ISL2: variants seen among roughly 807,000 people sequenced by gnomAD.
ISL2 encodes ISL LIM homeobox 2.
A neutral mutation model predicts 34.6 loss-of-function variants in ISL2; 17 were observed. That is an observed-to-expected ratio of 0.49 (90% CI 0.34 to 0.74). The LOEUF is 0.74. Ranked by LOEUF, ISL2 falls within the 30% of genes least tolerant of loss-of-function variation. ISL2 has a pLI of 0.01. For synonymous variants in ISL2, 232 were observed against 225.5 expected (o/e 1.03, Z -0.26); for missense variants, 469 against 515.2 (o/e 0.91, Z 0.87).
chr15:76,337,294 C>G, intron 1 of ISL2: 1 of 358,952 alleles, frequency 2.8e-6, no homozygotes, highest in Non-Finnish European at 4.9e-6. Context: ...AGCTTTCTTT[C>G]GCTTGCTCTG....
At chr15:76,339,555 G>A in intron 3 of ISL2, 1 of 985,686 alleles carries the variant, frequency 1.0e-6, no homozygotes, top group Non-Finnish European at 1.2e-6. Flanking sequence ...TGTTTCCCCG[G>A]GATGGAGAGA....
chr15:76,340,185 G>A (rs1009767155), intron 3 of ISL2, 91 bp from the exon 4 acceptor site: 2 of 1,444,426 alleles, frequency 1.4e-6, no homozygotes, highest in African/African-American at 2.9e-5. Context: ...AACGAAATCG[G>A]GCCCCGGGGG....
chr15:76,340,002 C>T (rs1470276853), intron 3 of ISL2: 1 of 1,288,962 alleles, frequency 7.8e-7, no homozygotes. Context: ...ACTCCCTCCC[C>T]GCAGCGGCCT....
At chr15:76,337,410 C>A in intron 1 of ISL2, 1 of 313,450 alleles carries the variant, frequency 3.2e-6, no homozygotes, top group Non-Finnish European at 5.8e-6. Flanking sequence ...AGTGTGTGAG[C>A]GGAAATGCCA....
intron 2 of ISL2, 38 bp from the exon 3 acceptor site, chr15:76,338,214 A>G: frequency 6.6e-7 from 1 of 1,518,434 alleles, no homozygotes; most frequent in South Asian, 1.2e-5. Flanking sequence ...GGGCGGCCGC[A>G]GGCCCAGCGC....
intron 3 of ISL2, chr15:76,339,437 A>T (rs1170858945): frequency 6.1e-6 from 6 of 985,426 alleles, no homozygotes; most frequent in Non-Finnish European, 7.2e-6. Flanking sequence ...TCAAATGGAG[A>T]TGTGAAATGG....
At chr15:76,337,237 T>TG (rs2040157579) in intron 1 of ISL2, among the ~76,000 whole-genome samples, 1 of 151,808 alleles carries the variant, frequency 6.6e-6, no homozygotes, top group African/African-American at 2.4e-5. Context: ...TGGGTTTTTT[T>TG]TTTTTTGGTT....
chr15:76,340,057 G>T, intron 3 of ISL2: 1 of 1,385,766 alleles, frequency 7.2e-7, no homozygotes, highest in Non-Finnish European at 9.3e-7. Context: ...AGAGATCGCT[G>T]CGGGGCAGTC....
At chr15:76,338,574 G>A in intron 3 of ISL2, 60 bp downstream of exon 3, 1 of 1,270,394 alleles carries the variant, frequency 7.9e-7, no homozygotes, top group Non-Finnish European at 9.9e-7. Context: ...GTGTGTGTAG[G>A]GGTACGCTTG....
In ISL2 at chr15:76,338,451, G is replaced by T. The variant is rs1464391480; in HGVS notation, c.448G>T (p.Ala150Ser). The change falls in exon 3 of 6, where the codon GCC (alanine) becomes TCC (serine). Residue 150 changes from alanine (A) to serine (S), a missense_variant. Around this residue, in one of 3 missense-constraint regions of ISL2, gnomAD observed 297 missense variants for 337.8 expected, o/e 0.88. Coordinates refer to ENST00000290759, the MANE Select transcript of ISL2 (RefSeq NM_145805.3). ...CGACCACGGCCTCCTGCTCGAGCGC[G>T]CCGCGGCCGGCAGCCCGCGCAGCCC... ...RADHGLLLERAAAGSPRSPGP... is the reference protein window; with the variant it reads ...RADHGLLLERSAAGSPRSPGP... 2.8e-6 allele frequency: 4 copies of T among 1,428,270 alleles called. No homozygotes were observed. Among genetic ancestry groups the T allele is most frequent in the Admixed American group, 2.7e-5 (1 of 36,908 alleles). The allele number at this position is 1,428,270 out of a possible 1,614,324, so 88.5% of individuals were successfully genotyped here.
chr15:76,340,190 CG>C (rs1437216821), intron 3 of ISL2, 85 bp from the exon 4 acceptor site: 3 of 1,337,328 alleles, frequency 2.2e-6, no homozygotes, highest in South Asian at 1.5e-5. Flanking sequence ...AATCGGGCCC[CG>C]GGGGGCTGGG....
At chr15:76,341,323 C>T (rs755828547) in intron 5 of ISL2, 22 bp downstream of exon 5, 1 of 1,578,234 alleles carries the variant, frequency 6.3e-7, no homozygotes, top group Non-Finnish European at 8.6e-7. Flanking sequence ...CCCTACCCGC[C>T]CCGACCTCGG....
intron 4 of ISL2, 23 bp from the exon 5 acceptor site, chr15:76,341,111 A>G (rs1392039661): frequency 6.5e-7 from 1 of 1,535,956 alleles, no homozygotes; most frequent in African/African-American, 1.4e-5. Context: ...TCGAGCACCT[A>G]CTGCCTTCTG....
rs1187646880 is a variant in ISL2 at position 76,340,016 on chromosome 15, G to A, written c.512-260G>A. 3.1e-6 allele frequency: 4 copies of A among 1,296,298 alleles called. No homozygotes were observed. In the East Asian group the frequency reaches 9.4e-5, roughly 31 times the overall value. 80.3% of individuals were successfully genotyped at this position (1,296,298 alleles called of 1,614,324 possible). A position where few individuals can be genotyped will look rare whatever the true frequency, so the allele number is the denominator to read the frequency against. On this transcript the variant is annotated intron_variant, in intron 3 of 5. Transcript: ENST00000290759. ...CACTCCCTCCCCGCAGCGGCCTGTC[G>A]CCGAGCTCCCGCGCCCTGCTTGAGC...
intron 1 of ISL2, chr15:76,337,544 T>C (rs1171544203): frequency 2.1e-6 from 1 of 471,130 alleles, no homozygotes; most frequent in African/African-American, 2.0e-5. Flanking sequence ...TTAATGAATG[T>C]AATAACGAAA....
At chr15:76,338,015 G>T (rs2040165094) in intron 2 of ISL2, 48 bp downstream of exon 2, 2 of 1,475,862 alleles carry the variant, frequency 1.4e-6, no homozygotes, top group Non-Finnish European at 1.8e-6. Context: ...CAGGGGCCGG[G>T]GCCGGGACTG....
chr15:76,341,317 A>ACCCGC lies in ISL2; in HGVS notation c.963+21_963+25dup. The ACCCGC allele has an allele frequency of 6.4e-7, 1 of 1,553,814 alleles. No homozygotes were observed. The highest frequency in any genetic ancestry group is 8.7e-7 in the Non-Finnish European group (1 of 1,148,028). On this transcript the variant is annotated intron_variant, in intron 5 of 5. Transcript: ENST00000290759. The stretch of plus-strand genomic sequence containing the variant: ...CCAACAGCTGGTGAGGCCCTGCCCT[A>ACCCGC]CCCGCCCCGACCTCGGGACTCTGCG...
rs1041507407 is a variant in ISL2, at chr15:76,337,895, G to T, written c.176G>T (p.Ser59Ile). The change falls in exon 2 of 6, where the codon AGC (serine) becomes ATC (isoleucine). Residue 59 changes from serine to isoleucine, a missense_variant. Ser to Ile is a moderately radical substitution (Grantham distance 142, BLOSUM62 -2). This residue lies in a region of ISL2 where 297 missense variants were observed against 337.8 expected (regional missense o/e 0.88). Coordinates refer to ENST00000290759, the MANE Select transcript of ISL2 (RefSeq NM_145805.3). ...HAACLKCAEC[S>I]QYLDETCTCF... is the part of the protein sequence containing the mutation. ...GCCTGCCTCAAGTGTGCCGAGTGCA[G>T]CCAGTACCTGGACGAGACGTGCACG... The T allele has an allele frequency of 1.9e-6, 3 of 1,612,806 alleles. No homozygotes were observed. The highest frequency in any genetic ancestry group is 2.5e-6 in the Non-Finnish European group (3 of 1,179,678).
intron 2 of ISL2, 47 bp downstream of exon 2, chr15:76,338,014 GGGCCGGGACTGGGGATGGC>G (rs2040165112): frequency 8.8e-6 from 13 of 1,481,012 alleles, no homozygotes; most frequent in Non-Finnish European, 1.2e-5. Context: ...GCAGGGGCCG[GGGCCGGGACTGGGGATGGC>G]GGCCTGCCCG....
Sources: allele counts gnomAD v4.1 joint callset (sites outside exome capture counted in the v4.1 genomes callset), GRCh38; gene constraint gnomAD v4.1.1; regional missense constraint gnomAD v4.1.1; transcripts MANE v1.5; gene names NCBI Gene and HGNC (gene_info 2026-07-23, HGNC 2026-07-21).